Variants in SSUH2 observed in about 807,000 individuals in gnomAD.
SSUH2 encodes the protein protein SSUH2 homolog.
In SSUH2, 47 loss-of-function variants were observed where a neutral mutation model predicts 55.3. That is an observed-to-expected ratio of 0.85 (90% CI 0.67 to 1.08). SSUH2 has a LOEUF of 1.08. Ranked by LOEUF, SSUH2 falls within the 50% of genes least tolerant of loss-of-function variation. The pLI is 0.00. For synonymous variants in SSUH2, 212 were observed against 191.5 expected (o/e 1.11, Z -0.89); for missense variants, 535 against 490.7 (o/e 1.09, Z -0.85).
At chr3:8,658,690 T>C (rs545705089) in intron 7 of SSUH2, among the ~76,000 whole-genome samples, 2 of 152,250 alleles carry the variant, frequency 1.3e-5, no homozygotes, top group African/African-American at 2.4e-5. Context: ...AGCCTCCAGA[T>C]AGCAGTATTA....
Position 8,629,739 on chromosome 3 carries a change from C to T in SSUH2, c.526-13G>A, listed in dbSNP as rs759190265. The T allele has an allele frequency of 1.5e-4, 239 of 1,613,846 alleles. 1 individual carries two copies. The highest frequency in any genetic ancestry group is 1.1e-3 in the South Asian group (100 of 91,074). On this transcript the variant is annotated splice_polypyrimidine_tract_variant and intron_variant, in intron 6 of 11. Transcript: ENST00000544814. ...ATTTGTGGCATTCCTGAAAGTGCAA[C>T]GCTTTCTTGGGATCTAGTTTCCCAA...
chr3:8,644,447 A>G (rs1210823479), intron 1 of SSUH2, among the ~76,000 whole-genome samples: 1 of 152,186 alleles, frequency 6.6e-6, no homozygotes, highest in Non-Finnish European at 1.5e-5. Flanking sequence ...TTCCTTCTCC[A>G]TTGTCCAAAG....
chr3:8,640,386 A>AT (rs1261343931), intron 1 of SSUH2, among the ~76,000 whole-genome samples: 5 of 152,204 alleles, frequency 3.3e-5, no homozygotes, highest in African/African-American at 4.8e-5. Flanking sequence ...AAACCTGATC[A>AT]TATCACCCCC....
At chr3:8,622,983 A>C (rs1202385970) in intron 11 of SSUH2, among the ~76,000 whole-genome samples, 1 of 152,208 alleles carries the variant, frequency 6.6e-6, no homozygotes, top group African/African-American at 2.4e-5. Context: ...AGCTCCAGCA[A>C]AGCACATTAT....
intron 8 of SSUH2, among the ~76,000 whole-genome samples, chr3:8,626,537 G>GCCCCCCC (rs58662232): frequency 1.7e-4 from 18 of 107,630 alleles, no homozygotes; most frequent in South Asian, 3.8e-4. Context: ...TCTAGGGCCT[G>GCCCCCCC]CCCCCCCCCC....
rs1575135133 is a variant in SSUH2 at position 8,633,795 on chromosome 3, T to G, written c.210A>C (p.Arg70Ser). 1 of 1,613,578 alleles carries G rather than the reference T, an allele frequency of 6.2e-7. No homozygotes were observed. The highest frequency in any genetic ancestry group is 1.1e-5 in the South Asian group (1 of 91,072). The change falls in exon 4 of 12, where the codon AGA becomes AGC. Residue 70 changes from arginine to serine, a missense_variant and splice_region_variant. Arg to Ser is a moderately radical substitution (Grantham distance 110). Transcript: ENST00000544814. Reference sequence around the variant, plus strand: ...CCACCTCCTCCGTCATCGCAGGGACTCTGCAGGGGACCGAACAGAGAGGCG... The same window carrying G: ...CCACCTCCTCCGTCATCGCAGGGACGCTGCAGGGGACCGAACAGAGAGGCG... The part of the protein sequence containing the change: ...QRSWPSFLEH[R>S]VPAMTEEVAR...
At chr3:8,622,361 G>A (rs1407205421) in intron 11 of SSUH2, among the ~76,000 whole-genome samples, 1 of 152,178 alleles carries the variant, frequency 6.6e-6, no homozygotes, top group African/African-American at 2.4e-5. Flanking sequence ...GGCCTCAGGA[G>A]ACCTGAGTTC....
intron 6 of SSUH2, among the ~76,000 whole-genome samples, chr3:8,661,083 T>TA (rs1703435884): frequency 6.6e-6 from 1 of 152,270 alleles, no homozygotes; most frequent in Non-Finnish European, 1.5e-5. Context: ...CTCTTGGACT[T>TA]ACTGTCTGAC....
At chr3:8,637,799 C>A (rs746219805) in intron 1 of SSUH2, among the ~76,000 whole-genome samples, 3 of 152,068 alleles carry the variant, frequency 2.0e-5, no homozygotes, top group Non-Finnish European at 2.9e-5. Flanking sequence ...AAACTCAGAG[C>A]AGACTTCCAG....
At chr3:8,659,555 G>A (rs537293760) in intron 6 of SSUH2, 65 of 314,186 alleles carry the variant, frequency 2.1e-4, no homozygotes, top group African/African-American at 1.4e-3. Flanking sequence ...CAGAGTTAGA[G>A]AATTCCCAAG....
upstream of SSUH2, among the ~76,000 whole-genome samples, chr3:8,648,628 T>C (rs557503025): frequency 3.3e-5 from 5 of 152,336 alleles, no homozygotes; most frequent in African/African-American, 1.2e-4. Flanking sequence ...TACTCCCTTC[T>C]GTGACTCTGG....
Position 8,634,346 on chromosome 3 carries a change from G to GC in SSUH2, c.210-552dup, listed in dbSNP as rs1699521950. ...CCTAACCTCGGCCCTCTTTCTGCAT[G>GC]CCTCCCCCTCCTCCTGGAAGTCCCT... On this transcript the variant is annotated intron_variant, in intron 3 of 11. Transcript: ENST00000544814. 4.7e-6 allele frequency: 6 copies of GC among 1,270,436 alleles called. No homozygotes were observed. The Admixed American group carries it at 9.2e-5, about 20-fold the overall frequency. 78.7% of individuals were successfully genotyped at this position (1,270,436 alleles called of 1,614,324 possible).
intron 7 of SSUH2, among the ~76,000 whole-genome samples, chr3:8,658,595 T>C (rs796951234): frequency 1.6e-4 from 24 of 152,210 alleles, no homozygotes; most frequent in African/African-American, 5.8e-4. Context: ...TACACACTCG[T>C]TGGCCTGGCA....
At chr3:8,626,530 A>G in intron 8 of SSUH2, among the ~76,000 whole-genome samples, 1 of 57,398 alleles carries the variant, frequency 1.7e-5, no homozygotes, top group Non-Finnish European at 3.4e-5. Flanking sequence ...ACATGGCTCT[A>G]GGGCCTGCCC....
intron 10 of SSUH2, among the ~76,000 whole-genome samples, chr3:8,624,331 T>C (rs1309206823): frequency 2.6e-5 from 4 of 152,078 alleles, no homozygotes; most frequent in Non-Finnish European, 5.9e-5. Flanking sequence ...TGGTCAGAGC[T>C]CAGCACCAGG....
At chr3:8,676,148 A>G (rs560282491) in intron 3 of SSUH2, among the ~76,000 whole-genome samples, 1 of 152,068 alleles carries the variant, frequency 6.6e-6, no homozygotes, top group South Asian at 2.1e-4. Flanking sequence ...CCTGTTTACC[A>G]TATTGTGAGT....
At chr3:8,656,246 T>C (rs1172645432) in intron 7 of SSUH2, among the ~76,000 whole-genome samples, 5 of 152,246 alleles carry the variant, frequency 3.3e-5, no homozygotes, top group Admixed American at 1.3e-4. Flanking sequence ...CTTTTCCATG[T>C]TCTGCTAAAA....
At chr3:8,674,167 T>C (rs946001804) in intron 3 of SSUH2, among the ~76,000 whole-genome samples, 1 of 152,130 alleles carries the variant, frequency 6.6e-6, no homozygotes, top group Non-Finnish European at 1.5e-5. Context: ...GGCGAAATGC[T>C]GACCTGTTTG....
At chr3:8,649,571 C>G (rs1369252151), upstream of SSUH2, among the ~76,000 whole-genome samples, 1 of 152,136 alleles carries the variant, frequency 6.6e-6, no homozygotes, top group Non-Finnish European at 1.5e-5. Flanking sequence ...ACCTCGAGCT[C>G]TCTCTGTGTG....
Sources: gnomAD v4.1 joint callset for allele counts (sites outside exome capture counted in the v4.1 genomes callset) on GRCh38, gnomAD v4.1.1 for gene constraint, MANE v1.5 for transcripts, NCBI Gene and HGNC (gene_info 2026-07-23, HGNC 2026-07-21) for gene names.